The following ABTB3 variants were observed in gnomAD, a reference collection of about 807,000 sequenced individuals.
The protein encoded by ABTB3 is ankyrin repeat and BTB domain containing 3.
the ABTB3 span, among the ~76,000 whole-genome samples, chr12:107,419,458 T>A: frequency 6.6e-6 from 1 of 152,208 alleles, no homozygotes; most frequent in African/African-American, 2.4e-5. Context: ...TTGCAGTTGC[T>A]GTTTGATCTG....
At chr12:107,514,963 C>T in the ABTB3 span, among the ~76,000 whole-genome samples, 8 of 152,262 alleles carry the variant, frequency 5.3e-5, no homozygotes, top group South Asian at 1.0e-3. Context: ...ATGTTGGGAA[C>T]CTACTGTTTG....
At chr12:107,416,431 G>A in the ABTB3 span, among the ~76,000 whole-genome samples, 1 of 152,172 alleles carries the variant, frequency 6.6e-6, no homozygotes, top group Non-Finnish European at 1.5e-5. Context: ...AGGGGGTGGG[G>A]GGAAAGCAGA....
chr12:107,542,020 C>T, the ABTB3 span, among the ~76,000 whole-genome samples: 2 of 152,024 alleles, frequency 1.3e-5, no homozygotes, highest in African/African-American at 4.8e-5. Context: ...ATAAAATTAA[C>T]CATCACTGGC....
chr12:107,387,766 C>T, the ABTB3 span, among the ~76,000 whole-genome samples: 2 of 152,152 alleles, frequency 1.3e-5, no homozygotes, highest in African/African-American at 2.4e-5. Flanking sequence ...GCCCAGGACA[C>T]CTGCCCCTGC....
At chr12:107,411,169 A>G in the ABTB3 span, among the ~76,000 whole-genome samples, 1 of 152,166 alleles carries the variant, frequency 6.6e-6, no homozygotes, top group African/African-American at 2.4e-5. Flanking sequence ...GCGTGGTGGC[A>G]TGTACCTGTA....
chr12:107,633,155 CAAGGTGGTGATATTGG>C, the ABTB3 span, among the ~76,000 whole-genome samples: 1 of 152,150 alleles, frequency 6.6e-6, no homozygotes, highest in African/African-American at 2.4e-5. Flanking sequence ...TCCTAACCCC[CAAGGTGGTGATATTGG>C]GAGGTGGTGT....
chr12:107,360,033 T>C, the ABTB3 span, among the ~76,000 whole-genome samples: 4 of 152,284 alleles, frequency 2.6e-5, no homozygotes, highest in East Asian at 7.7e-4. Flanking sequence ...GCCCACCACG[T>C]GCCCAACTTA....
At chr12:107,468,418 G>T in the ABTB3 span, among the ~76,000 whole-genome samples, 2 of 152,306 alleles carry the variant, frequency 1.3e-5, no homozygotes, top group Admixed American at 6.5e-5. Context: ...GAGACCACCA[G>T]GGCCACAGGA....
At chr12:107,646,578 T>C in the ABTB3 span, among the ~76,000 whole-genome samples, 3 of 152,122 alleles carry the variant, frequency 2.0e-5, no homozygotes, top group Non-Finnish European at 4.4e-5. Context: ...CAATGCTGTG[T>C]TATTGCACAA....
chr12:107,431,088 T>A, the ABTB3 span, among the ~76,000 whole-genome samples: 1 of 152,252 alleles, frequency 6.6e-6, no homozygotes, highest in Non-Finnish European at 1.5e-5. Context: ...AGTAAATGCA[T>A]CAGGGTCTTG....
At chr12:107,392,644 A>G in the ABTB3 span, among the ~76,000 whole-genome samples, 34 of 152,000 alleles carry the variant, frequency 2.2e-4, no homozygotes, top group African/African-American at 7.5e-4. Flanking sequence ...ACCAAATTCC[A>G]TCTCTGTTCT....
chr12:107,326,407 A>G, the ABTB3 span, among the ~76,000 whole-genome samples: 1 of 152,282 alleles, frequency 6.6e-6, no homozygotes, highest in Admixed American at 6.5e-5. Context: ...TTGGGCATTC[A>G]TCCAGCCAGT....
At chr12:107,563,896 G>A in the ABTB3 span, among the ~76,000 whole-genome samples, 3 of 152,306 alleles carry the variant, frequency 2.0e-5, no homozygotes, top group East Asian at 5.8e-4. Flanking sequence ...GCGAATGTAG[G>A]TTGAGGCTAA....
chr12:107,493,371 C>T, the ABTB3 span, among the ~76,000 whole-genome samples: 1 of 152,154 alleles, frequency 6.6e-6, no homozygotes, highest in East Asian at 1.9e-4. Flanking sequence ...AAATCAGGCC[C>T]AGGCATGAAG....
chr12:107,613,071 C>A, the ABTB3 span, among the ~76,000 whole-genome samples: 1 of 152,234 alleles, frequency 6.6e-6, no homozygotes, highest in African/African-American at 2.4e-5. Context: ...CCAGCCCAAC[C>A]AAACCCCAAG....
chr12:107,492,752 CA>C, the ABTB3 span, among the ~76,000 whole-genome samples: 1 of 151,852 alleles, frequency 6.6e-6, no homozygotes, highest in South Asian at 2.1e-4. Context: ...CCAGAAAAAA[CA>C]AAAAAACAGT....
At chr12:107,344,799 C>A in the ABTB3 span, among the ~76,000 whole-genome samples, 1 of 152,202 alleles carries the variant, frequency 6.6e-6, no homozygotes, top group Non-Finnish European at 1.5e-5. Flanking sequence ...TGAGTCCATG[C>A]AACTTTGAGC....
chr12:107,374,064 G>C, the ABTB3 span, among the ~76,000 whole-genome samples: 1 of 152,150 alleles, frequency 6.6e-6, no homozygotes, highest in South Asian at 2.1e-4. Context: ...GGAGGGTTCT[G>C]GAATCATCAG....
the ABTB3 span, among the ~76,000 whole-genome samples, chr12:107,618,784 C>T: frequency 6.6e-6 from 1 of 152,220 alleles, no homozygotes; most frequent in Non-Finnish European, 1.5e-5. Flanking sequence ...ACAATCATCC[C>T]AGGTGGTTCC....
Sources: gnomAD v4.1 joint callset for allele counts (sites outside exome capture counted in the v4.1 genomes callset) on GRCh38, gnomAD v4.1.1 for gene constraint, MANE v1.5 for transcripts, NCBI Gene and HGNC (gene_info 2026-07-23, HGNC 2026-07-21) for gene names.